PRKACA: variants seen among roughly 807,000 people sequenced by gnomAD.
The protein encoded by PRKACA is protein kinase cAMP-activated catalytic subunit alpha.
Under a neutral mutation model 45.8 loss-of-function variants are expected in PRKACA, and 9 were observed. The ratio of observed to expected loss-of-function variants is 0.20; its 90% confidence interval spans 0.12 to 0.34. PRKACA has a LOEUF of 0.34. Ranked by LOEUF, PRKACA falls within the 10% of genes least tolerant of loss-of-function variation. PRKACA has a pLI of 1.00. For missense variants in PRKACA, 238 were observed against 458.6 expected (o/e 0.52, Z 4.39); for synonymous variants, 160 against 178.6 (o/e 0.90, Z 0.83).
At chr19:14,099,187 G>A (rs929075763) in intron 5 of PRKACA, among the ~76,000 whole-genome samples, 4 of 152,118 alleles carry the variant, frequency 2.6e-5, no homozygotes, top group Admixed American at 2.6e-4. Flanking sequence ...AGCTACTTGG[G>A]AGGCTGAGAC....
At chr19:14,098,283 C>A (rs1315600416) in intron 5 of PRKACA, 1 of 168,688 alleles carries the variant, frequency 5.9e-6, no homozygotes, top group Non-Finnish European at 1.3e-5. Flanking sequence ...TCAGAAAGGA[C>A]AACTGCCTTT....
intron 1 of PRKACA, among the ~76,000 whole-genome samples, chr19:14,110,879 G>GCTGA (rs1470408136): frequency 1.3e-5 from 2 of 152,216 alleles, no homozygotes; most frequent in African/African-American, 4.8e-5. Flanking sequence ...TGGTTTCAGT[G>GCTGA]CTGAGTCCAG....
chr19:14,102,858 A>T lies in PRKACA; in HGVS notation c.294T>A (p.Ala98=). The T allele has an allele frequency of 6.2e-7, 1 of 1,614,198 alleles. No individual in the cohort carries two copies. Among genetic ancestry groups the T allele is most frequent in the South Asian group, 1.1e-5 (1 of 91,088 alleles). ...GTTTGACGAGGAACGGAAAGTTGAC[A>T]GCTTGCAGGATGCGCTTTTCATTCA... ...HTLNEKRILQ[A]VNFPFLVKLE... is the part of the protein sequence containing the mutation. Residue 98 remains alanine (A), a synonymous_variant, in exon 4 of 10, where the codon GCT becomes GCA. Transcript: ENST00000308677.
In PRKACA at chr19:14,093,052, C is replaced by A; in HGVS notation, c.*60G>T. 8.3e-7 allele frequency: 1 copy of A among 1,204,822 alleles called. No individual in the cohort carries two copies. The highest frequency in any genetic ancestry group is 3.2e-5 in the Admixed American group (1 of 31,584). The allele number at this position is 1,204,822 out of a possible 1,614,324, so 74.6% of individuals were successfully genotyped here. A position where few individuals can be genotyped will look rare whatever the true frequency, so the allele number is the denominator to read the frequency against. ...TGGCTGTTCAATCCAACCCTCCCAC[C>A]CCCCCGACCAAAAAAAAGAAAAAAG... On this transcript the variant is annotated 3_prime_UTR_variant, in exon 10 of 10. Coordinates refer to ENST00000308677, the MANE Select transcript of PRKACA (RefSeq NM_002730.4).
intron 5 of PRKACA, 169 bp from the exon 6 acceptor site, chr19:14,098,059 T>C (rs1977317252): frequency 1.3e-6 from 1 of 762,962 alleles, no homozygotes; most frequent in South Asian, 1.8e-5. Context: ...TGTGGGTCCA[T>C]CCACAGGAAA....
rs373462512 is a variant in PRKACA, at chr19:14,097,503, C to T, written c.643-20G>A. The T allele has an allele frequency of 1.1e-5, 18 of 1,613,770 alleles. No individual in the cohort carries two copies. In the Middle Eastern group the frequency reaches 6.6e-4, roughly 59 times the overall value. On this transcript the variant is annotated intron_variant, in intron 7 of 9. Transcript: ENST00000308677. This position sits in a 1 kb window ranked among gnomAD's most constrained non-coding sequence, Gnocchi z 5.4. ...GTAGCCCTGGAGCAAGATGGGGGGG[C>T]ACAGGGTGAGGAGGAGGCGAGAGCA...
intron 1 of PRKACA, among the ~76,000 whole-genome samples, chr19:14,113,591 C>G (rs1004110849): frequency 6.6e-6 from 1 of 152,188 alleles, no homozygotes; most frequent in Non-Finnish European, 1.5e-5. Flanking sequence ...GGAAGGAGCC[C>G]AGCCACAGAA....
intron 8 of PRKACA, chr19:14,096,375 AT>A (rs1977260222): frequency 7.7e-6 from 1 of 130,010 alleles, no homozygotes. Flanking sequence ...TTTTTTAGAG[AT>A]GGGGTCTGGC....
rs899402775 is a variant in PRKACA at position 14,091,753 on chromosome 19, A to G, written c.*1359T>C. The G allele has an allele frequency of 4.6e-5, 7 of 152,524 alleles. No individual in the cohort carries two copies. The highest frequency in any genetic ancestry group is 1.7e-4 in the African/African-American group (7 of 41,440). The allele number at this position is 152,524 out of a possible 1,614,324, so 9.4% of individuals were successfully genotyped here. On this transcript the variant is annotated 3_prime_UTR_variant, in exon 10 of 10. Coordinates refer to ENST00000308677, the MANE Select transcript of PRKACA (RefSeq NM_002730.4). ...TATGTTTACAACAGCACACTGTTCA[A>G]GAGGAAGTCTCGTCCTTCGCAGCAC...
intron 3 of PRKACA, among the ~76,000 whole-genome samples, chr19:14,103,262 C>G (rs543184543): frequency 7.2e-5 from 11 of 152,272 alleles, no homozygotes; most frequent in African/African-American, 2.2e-4. Flanking sequence ...TCAGACAGCG[C>G]TTTCTGGAGG....
chr19:14,111,832 G>A (rs1966974143), intron 1 of PRKACA, among the ~76,000 whole-genome samples: 1 of 152,078 alleles, frequency 6.6e-6, no homozygotes, highest in Admixed American at 6.5e-5. Context: ...AGGGTGGAGG[G>A]TGCCCTCTTG....
intron 1 of PRKACA, chr19:14,115,164 T>C (rs931624188): frequency 1.5e-5 from 14 of 952,784 alleles, no homozygotes; most frequent in African/African-American, 5.3e-5. Flanking sequence ...CATAGTCCCA[T>C]TGGCAGAACA....
chr19:14,095,838 G>A (rs893279856), intron 8 of PRKACA, among the ~76,000 whole-genome samples: 1 of 151,232 alleles, frequency 6.6e-6, no homozygotes, highest in Admixed American at 6.6e-5. Flanking sequence ...TTTTAGTGAT[G>A]CTATGTGTCC....
At chr19:14,105,277 T>C (rs1220718636) in intron 3 of PRKACA, among the ~76,000 whole-genome samples, 1 of 152,102 alleles carries the variant, frequency 6.6e-6, no homozygotes, top group Non-Finnish European at 1.5e-5. Context: ...TTTGGAAGGC[T>C]GAGGCGGGCG....
intron 1 of PRKACA, among the ~76,000 whole-genome samples, chr19:14,111,122 G>A (rs1966951593): frequency 6.6e-6 from 1 of 152,256 alleles, no homozygotes; most frequent in African/African-American, 2.4e-5. Context: ...TGGTGGCTGG[G>A]TGCAGTGGCT....
Position 14,097,082 on chromosome 19 carries a change from G to A in PRKACA, c.765+279C>T, listed in dbSNP as rs1977281704. The A allele has an allele frequency of 6.5e-6, 3 of 459,326 alleles. No individual in the cohort carries two copies. Among genetic ancestry groups the A allele is most frequent in the African/African-American group, 2.0e-5 (1 of 50,486 alleles). 28.5% of individuals were successfully genotyped at this position (459,326 alleles called of 1,614,324 possible). A position where few individuals can be genotyped will look rare whatever the true frequency, so the allele number is the denominator to read the frequency against. On this transcript the variant is annotated intron_variant, in intron 8 of 9. Transcript: ENST00000308677. The surrounding 1 kb of genome is among the most constrained non-coding windows in gnomAD (Gnocchi z 5.4). The stretch of plus-strand genomic sequence containing the variant: ...GGGATGAGGAGCGAAAAGGAGGGTC[G>A]TCTGGCAGGGCGGTTTGTGTTCTGT...
intron 1 of PRKACA, among the ~76,000 whole-genome samples, chr19:14,108,773 G>A (rs1977688615): frequency 6.7e-6 from 1 of 148,288 alleles, no homozygotes; most frequent in African/African-American, 2.5e-5. Flanking sequence ...TGTTGCCCAG[G>A]CTGGAGTGCA....
intron 2 of PRKACA, 71 bp from the exon 3 acceptor site, chr19:14,106,959 TCCCCTCTGCCACCGG>T (rs1977630148): frequency 6.4e-7 from 1 of 1,571,056 alleles, no homozygotes; most frequent in Non-Finnish European, 8.6e-7. Context: ...GTCTGGGGCA[TCCCCTCTGCCACCGG>T]CAGAGGGGGC....
At chr19:14,105,646 G>A (rs1977580505) in intron 3 of PRKACA, among the ~76,000 whole-genome samples, 1 of 151,888 alleles carries the variant, frequency 6.6e-6, no homozygotes, top group Non-Finnish European at 1.5e-5. Context: ...TGGCTGTGTT[G>A]TCGAGGCTGG....
Sources: allele counts gnomAD v4.1 joint callset (sites outside exome capture counted in the v4.1 genomes callset), GRCh38; gene constraint gnomAD v4.1.1; non-coding constraint Gnocchi (gnomAD v3.1); transcripts MANE v1.5; gene names NCBI Gene and HGNC (gene_info 2026-07-23, HGNC 2026-07-21).